EPHB1: variants seen among roughly 807,000 people sequenced by gnomAD.
EPHB1 encodes EPH receptor B1.
Under a neutral mutation model 94.4 loss-of-function variants are expected in EPHB1, and 30 were observed. That is an observed-to-expected ratio of 0.32 (90% CI 0.24 to 0.43). EPHB1 has a LOEUF of 0.43. Among genes scored for constraint, EPHB1 ranks in the 20% least tolerant of loss-of-function variants. The probability of loss-of-function intolerance (pLI) is 1.00; values close to 1 mark genes in which losing one functional copy is unlikely to be tolerated. For missense variants in EPHB1, 1,055 were observed against 1,308.3 expected (o/e 0.81, Z 2.99); for synonymous variants, 522 against 489.1 (o/e 1.07, Z -0.89).
intron 1 of EPHB1, among the ~76,000 whole-genome samples, chr3:134,863,101 C>G (rs1578148023): frequency 6.6e-6 from 1 of 152,204 alleles, no homozygotes; most frequent in South Asian, 2.1e-4. Context: ...CTCTCATCTT[C>G]CCCCATGCCT....
chr3:134,962,020 T>C (rs1466702370), intron 3 of EPHB1, among the ~76,000 whole-genome samples: 1 of 152,218 alleles, frequency 6.6e-6, no homozygotes, highest in Non-Finnish European at 1.5e-5. Flanking sequence ...AATAAGAATA[T>C]ATAAATTTTT....
chr3:135,030,094 T>C (rs1188083784), intron 3 of EPHB1, among the ~76,000 whole-genome samples: 1 of 151,522 alleles, frequency 6.6e-6, no homozygotes, highest in Non-Finnish European at 1.5e-5. Context: ...TAAGCACTTC[T>C]CTGTATTGGT....
chr3:135,134,914 T>G (rs1384141684), intron 5 of EPHB1, among the ~76,000 whole-genome samples: 1 of 152,134 alleles, frequency 6.6e-6, no homozygotes, highest in Non-Finnish European at 1.5e-5. Flanking sequence ...CTTACCCTGC[T>G]ATTCCCGAAC....
chr3:135,113,735 T>TTA (rs1559836021), intron 4 of EPHB1, among the ~76,000 whole-genome samples: 1 of 152,198 alleles, frequency 6.6e-6, no homozygotes, highest in Non-Finnish European at 1.5e-5. Flanking sequence ...ATTTTAATGC[T>TTA]TAAGGACAAT....
At chr3:134,964,159 T>C (rs958729218) in intron 3 of EPHB1, among the ~76,000 whole-genome samples, 3 of 152,222 alleles carry the variant, frequency 2.0e-5, no homozygotes, top group African/African-American at 7.2e-5. Flanking sequence ...AGGGAGAGTC[T>C]TTGCATTAGG....
chr3:135,121,496 A>G (rs1037990787), intron 4 of EPHB1, among the ~76,000 whole-genome samples: 6 of 152,208 alleles, frequency 3.9e-5, no homozygotes, highest in Admixed American at 6.5e-5. Context: ...GTGTGTGTCA[A>G]TGTCTTTTCA....
Position 135,259,633 on chromosome 3 carries a change from C to T in EPHB1, c.*513C>T. On this transcript the variant is annotated 3_prime_UTR_variant, in exon 16 of 16. Coordinates refer to ENST00000398015, the MANE Select transcript of EPHB1 (RefSeq NM_004441.5). ...AAGTTTCTTCAAACAAAACCCAGCT[C>T]CTGAGTCTCCAGATGTTGTTCTGTC... 1 of 195,054 alleles carries T rather than the reference C, an allele frequency of 5.1e-6. No individual in the cohort carries two copies. Among genetic ancestry groups the T allele is most frequent in the Non-Finnish European group, 1.1e-5 (1 of 93,574 alleles). The allele number at this position is 195,054 out of a possible 1,614,324, so 12.1% of individuals were successfully genotyped here. A position where few individuals can be genotyped will look rare whatever the true frequency, so the allele number is the denominator to read the frequency against.
intron 1 of EPHB1, among the ~76,000 whole-genome samples, chr3:134,860,523 A>C (rs533537410): frequency 6.6e-6 from 1 of 152,314 alleles, no homozygotes; most frequent in Admixed American, 6.5e-5. Flanking sequence ...ACTTTAAAAA[A>C]AGATTTCTTG....
chr3:135,132,145 C>T (rs1940441603), intron 4 of EPHB1, among the ~76,000 whole-genome samples: 1 of 152,054 alleles, frequency 6.6e-6, no homozygotes, highest in African/African-American at 2.4e-5. Flanking sequence ...TCTCATGTGC[C>T]AAAGCTGGTC....
chr3:134,859,622 G>A (rs9825687), intron 1 of EPHB1, among the ~76,000 whole-genome samples: 82,728 of 152,038 alleles, frequency 0.54, 25,470 homozygotes, highest in East Asian at 0.8. Context: ...TTCCCTCTGA[G>A]CTTCAAGACC....
At chr3:135,249,112 A>T (rs1298243128) in intron 14 of EPHB1, among the ~76,000 whole-genome samples, 10 of 152,208 alleles carry the variant, frequency 6.6e-5, no homozygotes, top group Non-Finnish European at 1.5e-4. Flanking sequence ...GTCTGGGTTA[A>T]CTGAACTGTG....
At chr3:135,182,451 T>C (rs918190917) in intron 10 of EPHB1, among the ~76,000 whole-genome samples, 1 of 152,202 alleles carries the variant, frequency 6.6e-6, no homozygotes, top group Non-Finnish European at 1.5e-5. Context: ...GAATACTTCT[T>C]ATATGCTGGA....
intron 3 of EPHB1, among the ~76,000 whole-genome samples, chr3:135,049,609 C>A (rs1027630414): frequency 5.9e-5 from 9 of 152,326 alleles, no homozygotes; most frequent in Non-Finnish European, 1.2e-4. Flanking sequence ...AACTGGCATA[C>A]CATAGCTTCC....
chr3:135,042,398 C>A (rs1030548321), intron 3 of EPHB1, among the ~76,000 whole-genome samples: 4 of 152,126 alleles, frequency 2.6e-5, no homozygotes, highest in Non-Finnish European at 5.9e-5. Context: ...CAAACCATAG[C>A]AGTCTCAAAT....
At chr3:134,941,660 A>G (rs2039117705) in intron 2 of EPHB1, among the ~76,000 whole-genome samples, 1 of 150,712 alleles carries the variant, frequency 6.6e-6, no homozygotes, top group Non-Finnish European at 1.5e-5. Flanking sequence ...GTGTAGATGG[A>G]CCAATGAGTA....
chr3:134,798,871 A>C (rs935599311), intron 1 of EPHB1, among the ~76,000 whole-genome samples: 1 of 152,152 alleles, frequency 6.6e-6, no homozygotes, highest in East Asian at 1.9e-4. Flanking sequence ...TGCTCATAGC[A>C]TTCTCCCAAC....
chr3:134,895,616 C>T (rs544627065), intron 1 of EPHB1, among the ~76,000 whole-genome samples: 1 of 152,178 alleles, frequency 6.6e-6, no homozygotes, highest in African/African-American at 2.4e-5. Flanking sequence ...ATGCACTTTT[C>T]CAGTTAAAAA....
rs141196104 is a variant in EPHB1 at position 135,213,191 on chromosome 3, GC to G, written c.2346+11506del. ...CTTCTGTTTTAGATCGCTATTTCTA[GC>G]CCCAGGAGCATTTCCTTCCCAAGAA... On this transcript the variant is annotated intron_variant, in intron 12 of 15. Transcript: ENST00000398015. 8.6e-3 allele frequency among the ~76,000 whole-genome samples: 1,304 copies of G among 152,222 alleles called. 23 individuals carry two copies. Among genetic ancestry groups the G allele is most frequent in the African/African-American group, 0.028 (1,150 of 41,516 alleles).
chr3:135,206,909 A>T (rs2107714762), intron 12 of EPHB1, among the ~76,000 whole-genome samples: 1 of 152,222 alleles, frequency 6.6e-6, no homozygotes, highest in South Asian at 2.1e-4. Context: ...CCTTCTTTTA[A>T]GAAAAAAAAA....
Sources: gnomAD v4.1 joint callset for allele counts (sites outside exome capture counted in the v4.1 genomes callset) on GRCh38, gnomAD v4.1.1 for gene constraint, MANE v1.5 for transcripts, NCBI Gene and HGNC (gene_info 2026-07-23, HGNC 2026-07-21) for gene names.